Variants in AFF1 observed in about 807,000 individuals in gnomAD.
AFF1 encodes the protein ALF transcription elongation factor 1.
Under a neutral mutation model 121.7 loss-of-function variants are expected in AFF1, and 48 were observed. That is an observed-to-expected ratio of 0.39 (90% CI 0.31 to 0.50). The LOEUF (loss-of-function observed/expected upper bound fraction) is 0.50, where lower values mean the gene tolerates loss of function less well. Among genes scored for constraint, AFF1 ranks in the 20% least tolerant of loss-of-function variants. The probability of loss-of-function intolerance (pLI) is 0.76; values close to 1 mark genes in which losing one functional copy is unlikely to be tolerated. For missense variants in AFF1, 1,523 were observed against 1,511.7 expected, an observed-to-expected ratio of 1.01 and a Z score of -0.12; for synonymous variants, 613 against 563.0, an observed-to-expected ratio of 1.09 and a Z score of -1.26.
At position 86,962,406 on chromosome 4, in the gene AFF1, C is replaced by G. The variant is rs76738242; in HGVS notation, c.38+13835C>G. Among the ~76,000 whole-genome samples the G allele has an allele frequency of 2.7e-3, 409 of 152,268 alleles. 19 individuals carry two copies. The East Asian group carries it at 0.073, about 27-fold the overall frequency. Reference sequence around the variant, plus strand: ...ATTTGTAAAATAAGGATAATAATGACTAAATATATACATTTATTTAAAGCC... The same window carrying G: ...ATTTGTAAAATAAGGATAATAATGAGTAAATATATACATTTATTTAAAGCC... On this transcript the variant is annotated intron_variant, in intron 2 of 20. Coordinates refer to ENST00000395146, the MANE Select transcript of AFF1 (RefSeq NM_001166693.3).
At position 87,072,166 on chromosome 4, in the gene AFF1, A is replaced by G. The variant is rs1432774263; in HGVS notation, c.1060-11954A>G. Among the ~76,000 whole-genome samples, 3 of 152,170 alleles carry G rather than the reference A, an allele frequency of 2.0e-5. No individual in the cohort carries two copies. The East Asian group carries it at 5.8e-4, about 29-fold the overall frequency. Reference sequence around the variant, plus strand: ...ATCACGAAGTCAGGAGATCTAGACCATCCTGGCTAACACGGTGAAGACCCG... The same window carrying G: ...ATCACGAAGTCAGGAGATCTAGACCGTCCTGGCTAACACGGTGAAGACCCG... On this transcript the variant is annotated intron_variant, in intron 4 of 20. Coordinates refer to ENST00000395146, the MANE Select transcript of AFF1 (RefSeq NM_001166693.3).
chr4:87,093,876 C>T (rs1560618130), intron 7 of AFF1, among the ~76,000 whole-genome samples: 1 of 152,186 alleles, frequency 6.6e-6, no homozygotes, highest in South Asian at 2.1e-4. Flanking sequence ...CATGTCTAGA[C>T]AAATGCAGCT....
chr4:87,126,706 A>G (rs1342121811), intron 14 of AFF1, among the ~76,000 whole-genome samples: 2 of 149,550 alleles, frequency 1.3e-5, no homozygotes, highest in Admixed American at 1.3e-4. Context: ...CCACTTTCTC[A>G]AATAAAAGTT....
chr4:87,134,960 G>A (rs1245838827), intron 20 of AFF1, among the ~76,000 whole-genome samples: 1 of 152,234 alleles, frequency 6.6e-6, no homozygotes, highest in African/African-American at 2.4e-5. Flanking sequence ...AAGCTCTGCT[G>A]TCATTACTTC....
At chr4:87,092,964 C>T (rs1464827857) in intron 7 of AFF1, among the ~76,000 whole-genome samples, 1 of 152,136 alleles carries the variant, frequency 6.6e-6, no homozygotes, top group Non-Finnish European at 1.5e-5. Context: ...TCTGCCCCCA[C>T]CTTCGGTCTG....
intron 2 of AFF1, among the ~76,000 whole-genome samples, chr4:86,966,065 C>CT (rs568285746): frequency 0.034 from 4,789 of 138,880 alleles, 94 homozygotes; most frequent in African/African-American, 0.042. Context: ...TTTTTCTTTC[C>CT]TTTTTTTTTT....
chr4:86,971,784 G>A (rs1490265870), intron 2 of AFF1, among the ~76,000 whole-genome samples: 1 of 152,202 alleles, frequency 6.6e-6, no homozygotes, highest in Non-Finnish European at 1.5e-5. Context: ...TGAATTATGA[G>A]TGGACAGTAT....
At chr4:87,011,347 TAAAG>T (rs1379414489) in intron 2 of AFF1, among the ~76,000 whole-genome samples, 2 of 152,180 alleles carry the variant, frequency 1.3e-5, no homozygotes, top group Non-Finnish European at 2.9e-5. Flanking sequence ...GAAAAATCAA[TAAAG>T]AAGCAAAGTC....
chr4:87,054,282 C>T (rs971069179), intron 4 of AFF1, among the ~76,000 whole-genome samples: 3 of 152,220 alleles, frequency 2.0e-5, no homozygotes, highest in African/African-American at 7.2e-5. Context: ...ACAGGGGCCC[C>T]TCCCAGTGGC....
rs367661600 is a variant in AFF1, at chr4:87,089,942, T to G, written c.1105-42T>G. On this transcript the variant is annotated intron_variant, in intron 5 of 20. Coordinates refer to ENST00000395146, the MANE Select transcript of AFF1 (RefSeq NM_001166693.3). ...ATGTTAAGTAGCAATGAATGTTCTA[T>G]TTATAATTTACTTTTTCTTCCCTTT... 11 of 1,443,696 alleles carry G rather than the reference T, an allele frequency of 7.6e-6. No homozygotes were observed. In the African/African-American group the frequency reaches 1.4e-4, roughly 18 times the overall value. 89.4% of individuals were successfully genotyped at this position (1,443,696 alleles called of 1,614,324 possible).
At chr4:87,037,289 C>T (rs917430799) in intron 2 of AFF1, among the ~76,000 whole-genome samples, 2 of 152,140 alleles carry the variant, frequency 1.3e-5, no homozygotes, top group South Asian at 4.1e-4. Context: ...ACATTCTGCA[C>T]CCTAATCCCA....
intron 7 of AFF1, among the ~76,000 whole-genome samples, chr4:87,094,407 C>G (rs1323818779): frequency 6.6e-6 from 1 of 152,172 alleles, no homozygotes; most frequent in African/African-American, 2.4e-5. Context: ...GGCCAAATGC[C>G]TTAAACATGT....
At chr4:87,091,271 C>T (rs1165346782) in intron 6 of AFF1, among the ~76,000 whole-genome samples, 6 of 151,904 alleles carry the variant, frequency 3.9e-5, no homozygotes, top group East Asian at 1.9e-4. Flanking sequence ...GGTGTGGTGG[C>T]GGGCACCTGT....
chr4:86,946,904 G>A (rs4693795), intron 1 of AFF1, among the ~76,000 whole-genome samples: 26,479 of 152,010 alleles, frequency 0.17, 2,492 homozygotes, highest in East Asian at 0.31. Flanking sequence ...TTCACTGGGA[G>A]GGTAATGTGG....
At chr4:87,016,194 TGGGGAAA>T (rs1727279492) in intron 2 of AFF1, among the ~76,000 whole-genome samples, 1 of 151,304 alleles carries the variant, frequency 6.6e-6, no homozygotes, top group Non-Finnish European at 1.5e-5. Flanking sequence ...TGACCTTTTG[TGGGGAAA>T]GAGGGAAGAG....
rs958430737 is a variant in AFF1, at chr4:87,006,839, C to T, written c.39-39327C>T. 3.1e-5 allele frequency: 15 copies of T among 487,436 alleles called. No homozygotes were observed. The South Asian group carries it at 1.2e-3, about 39-fold the overall frequency. The allele number at this position is 487,436 out of a possible 1,614,324, so 30.2% of individuals were successfully genotyped here. ...AGGGCTTGTCGGCGCCCAGGCTCTG[C>T]CCCCTACCCGACCCTGCCTGCCGCT... On this transcript the variant is annotated intron_variant, in intron 2 of 20. Coordinates refer to ENST00000395146, the MANE Select transcript of AFF1 (RefSeq NM_001166693.3).
intron 4 of AFF1, among the ~76,000 whole-genome samples, chr4:87,050,123 A>G (rs1424769678): frequency 1.3e-5 from 2 of 152,242 alleles, no homozygotes; most frequent in Non-Finnish European, 2.9e-5. Context: ...TGTGGAAATT[A>G]GCCCCAGAGC....
chr4:86,987,452 G>A (rs1560520258), intron 2 of AFF1, among the ~76,000 whole-genome samples: 1 of 152,018 alleles, frequency 6.6e-6, no homozygotes, highest in Admixed American at 6.6e-5. Context: ...CTTGAGTCAG[G>A]GGTCATTTAG....
At chr4:86,976,662 T>G (rs1723325095) in intron 2 of AFF1, among the ~76,000 whole-genome samples, 1 of 152,168 alleles carries the variant, frequency 6.6e-6, no homozygotes, top group Admixed American at 6.5e-5. Context: ...TGTACTATGC[T>G]TATTACCTGG....
Sources: gnomAD v4.1 joint callset for allele counts (sites outside exome capture counted in the v4.1 genomes callset) on GRCh38, gnomAD v4.1.1 for gene constraint, MANE v1.5 for transcripts, NCBI Gene and HGNC (gene_info 2026-07-23, HGNC 2026-07-21) for gene names.